The following SMCO2 variants were observed in gnomAD, a reference collection of about 807,000 sequenced individuals.
SMCO2 encodes single-pass membrane and coiled-coil domain-containing protein 2.
A neutral mutation model predicts 29.5 loss-of-function variants in SMCO2; 25 were observed. The ratio of observed to expected loss-of-function variants is 0.85; its 90% CI spans 0.62 to 1.18. The LOEUF (loss-of-function observed/expected upper bound fraction) is 1.18, where lower values mean the gene tolerates loss of function less well. Among genes scored for constraint, SMCO2 ranks in the 50% most tolerant of loss-of-function variants. The pLI, the probability that SMCO2 is intolerant of heterozygous loss-of-function variation, is 0.00. For missense variants in SMCO2, 348 were observed against 344.5 expected, an observed-to-expected ratio of 1.01 and a Z score of -0.08; for synonymous variants, 117 against 123.3, an observed-to-expected ratio of 0.95 and a Z score of 0.34.
intron 4 of SMCO2, among the ~76,000 whole-genome samples, chr12:27,483,554 G>C (rs1405297323): frequency 6.6e-6 from 1 of 151,868 alleles, no homozygotes; most frequent in African/African-American, 2.4e-5. Context: ...GAGTAGCTGG[G>C]ACCACAGGTG....
upstream of SMCO2, chr12:27,466,783 A>G (rs1400314320): frequency 6.6e-6 from 1 of 152,370 alleles, no homozygotes; most frequent in East Asian, 1.9e-4. Flanking sequence ...GTGAAATGTT[A>G]TAAAGGGAAA....
intron 4 of SMCO2, among the ~76,000 whole-genome samples, chr12:27,480,064 T>C (rs529479863): frequency 5.3e-4 from 81 of 152,232 alleles, no homozygotes; most frequent in African/African-American, 1.9e-3. Flanking sequence ...CAAGAGCCCC[T>C]GGAAAGCAAC....
the SMCO2 span, among the ~76,000 whole-genome samples, chr12:27,436,773 G>T: frequency 3.9e-5 from 6 of 152,188 alleles, no homozygotes; most frequent in African/African-American, 1.4e-4. Flanking sequence ...AGAGTAAGGT[G>T]GTAAGATAGT....
chr12:27,493,021 T>C (rs1216974769), intron 5 of SMCO2, among the ~76,000 whole-genome samples: 1 of 152,204 alleles, frequency 6.6e-6, no homozygotes, highest in Non-Finnish European at 1.5e-5. Context: ...AACGAGATCA[T>C]GTCTTTTGTG....
At chr12:27,473,242 C>A (rs1555173688) in intron 3 of SMCO2, 1 of 204,456 alleles carries the variant, frequency 4.9e-6, no homozygotes, top group Non-Finnish European at 1.0e-5. Flanking sequence ...AGATTATCTT[C>A]CAGTAGAATT....
At chr12:27,470,668 T>C in exon 2 of SMCO2, 1 of 1,551,152 alleles carries the variant, frequency 6.4e-7, no homozygotes, top group Non-Finnish European at 8.7e-7. Flanking sequence ...TAACAAAATG[T>C]CTCTGCAGAT....
intron 3 of SMCO2, among the ~76,000 whole-genome samples, chr12:27,474,397 G>T (rs904349581): frequency 3.3e-5 from 5 of 152,066 alleles, no homozygotes; most frequent in African/African-American, 1.2e-4. Context: ...AATATGTTTG[G>T]TTTTCATATC....
chr12:27,450,322 A>C, the SMCO2 span, among the ~76,000 whole-genome samples: 1 of 150,664 alleles, frequency 6.6e-6, no homozygotes, highest in Non-Finnish European at 1.5e-5. Context: ...CCCACCAACT[A>C]GGCTGGGCTG....
At chr12:27,496,935 TCAAA>T (rs1231282993) in intron 7 of SMCO2, 1 of 151,814 alleles carries the variant, frequency 6.6e-6, no homozygotes, top group Non-Finnish European at 1.5e-5. Flanking sequence ...CTCATAATGC[TCAAA>T]CAGATGTGTG....
chr12:27,488,533 G>T, exon 5 of SMCO2: 1 of 1,540,148 alleles, frequency 6.5e-7, no homozygotes. Flanking sequence ...CCTTGATCAA[G>T]GGACAAGCAC....
At chr12:27,427,916 G>T in the SMCO2 span, among the ~76,000 whole-genome samples, 2 of 152,334 alleles carry the variant, frequency 1.3e-5, no homozygotes, top group East Asian at 3.9e-4. Context: ...AGATACTTCG[G>T]CAGGCAGAAG....
the SMCO2 span, among the ~76,000 whole-genome samples, chr12:27,441,055 C>T: frequency 6.6e-6 from 1 of 152,008 alleles, no homozygotes; most frequent in African/African-American, 2.4e-5. Context: ...CTCAGGAGTT[C>T]GAGACCAGCC....
At chr12:27,451,239 A>G in the SMCO2 span, among the ~76,000 whole-genome samples, 1 of 152,204 alleles carries the variant, frequency 6.6e-6, no homozygotes, top group Admixed American at 6.5e-5. Context: ...TCCCAGGGGA[A>G]GTACAGGGTT....
At chr12:27,447,583 C>T in the SMCO2 span, among the ~76,000 whole-genome samples, 4 of 151,986 alleles carry the variant, frequency 2.6e-5, no homozygotes, top group African/African-American at 9.7e-5. Context: ...ACAGCAAAAC[C>T]TTGTCTCTAT....
the SMCO2 span, among the ~76,000 whole-genome samples, chr12:27,427,894 A>G: frequency 6.6e-6 from 1 of 152,200 alleles, no homozygotes; most frequent in African/African-American, 2.4e-5. Context: ...TTTGAAGGTG[A>G]GAGTTTGTTA....
chr12:27,442,502 A>G, the SMCO2 span, among the ~76,000 whole-genome samples: 1 of 152,348 alleles, frequency 6.6e-6, no homozygotes, highest in Non-Finnish European at 1.5e-5. Flanking sequence ...TGAACCATGA[A>G]GAAATAGAAA....
rs1949570437 is a variant in SMCO2, at chr12:27,474,798, CTA to C, written c.248_249del (p.Leu83ArgfsTer3). On this transcript the variant is annotated frameshift_variant, in exon 4 of 8. Transcript: ENST00000298876. LOFTEE classifies it high-confidence loss of function. ...TCATCTTTACCAGGGTATGTTGGAGCTAGAGGCTGAGCATGACCAGGACCTGA... is the reference window on the plus strand; with the variant it reads ...TCATCTTTACCAGGGTATGTTGGAGCGAGGCTGAGCATGACCAGGACCTGA... 2 of 1,551,526 alleles carry C rather than the reference CTA, an allele frequency of 1.3e-6. No homozygotes were observed. Among genetic ancestry groups the C allele is most frequent in the African/African-American group, 2.7e-5 (2 of 73,012 alleles).
the SMCO2 span, among the ~76,000 whole-genome samples, chr12:27,449,752 T>A: frequency 1.3e-5 from 2 of 152,250 alleles, no homozygotes; most frequent in African/African-American, 4.8e-5. Flanking sequence ...ATTGGACTTC[T>A]ATTTCTCTGG....
chr12:27,490,862 G>A (rs1440269142), intron 5 of SMCO2, among the ~76,000 whole-genome samples: 1 of 152,160 alleles, frequency 6.6e-6, no homozygotes. Context: ...CTGGACTCAG[G>A]AGGTCAAGGC....
Sources: allele counts gnomAD v4.1 joint callset (sites outside exome capture counted in the v4.1 genomes callset), GRCh38; gene constraint gnomAD v4.1.1; transcripts MANE v1.5; gene names NCBI Gene and HGNC (gene_info 2026-07-23, HGNC 2026-07-21).